The following PCDHA5 variants were observed in gnomAD, a reference collection of about 807,000 sequenced individuals.
PCDHA5 encodes protocadherin alpha 5.
Under a neutral mutation model 61.6 loss-of-function variants are expected in PCDHA5, and 43 were observed. That is an observed-to-expected ratio of 0.70 (90% CI 0.55 to 0.90). The LOEUF is 0.90. Among genes scored for constraint, PCDHA5 ranks in the 40% least tolerant of loss-of-function variants. The pLI is 0.00. For missense variants in PCDHA5, 1,298 were observed against 1,222.7 expected, an observed-to-expected ratio of 1.06 and a Z score of -0.92; for synonymous variants, 627 against 543.9, an observed-to-expected ratio of 1.15 and a Z score of -2.13.
chr5:140,875,932 C>T, intron 1 of PCDHA5: 3 of 1,614,154 alleles, frequency 1.9e-6, no homozygotes, highest in South Asian at 1.1e-5. Flanking sequence ...TCATTTTCCT[C>T]TAGAGGGCGC....
chr5:140,853,934 C>T (rs2042914376), intron 1 of PCDHA5: 1 of 864,500 alleles, frequency 1.2e-6, no homozygotes, highest in South Asian at 5.2e-5. Context: ...TTTGGGAGGC[C>T]AAGGTGGGAG....
chr5:140,828,876 T>C (rs1554131616), intron 1 of PCDHA5: 4 of 1,614,116 alleles, frequency 2.5e-6, no homozygotes, highest in African/African-American at 2.7e-5. Flanking sequence ...ACAACAGTTA[T>C]CAGACTGAAT....
At chr5:140,932,549 C>T (rs1222820851) in intron 1 of PCDHA5, among the ~76,000 whole-genome samples, 1 of 151,864 alleles carries the variant, frequency 6.6e-6, no homozygotes, top group African/African-American at 2.4e-5. Context: ...ATTTAACATA[C>T]ATTCCACAAG....
chr5:140,850,940 A>G (rs2150503150), intron 1 of PCDHA5: 2 of 1,507,156 alleles, frequency 1.3e-6, no homozygotes, highest in East Asian at 2.3e-5. Context: ...TTCTTGAAAG[A>G]TATTATCGAT....
chr5:140,872,867 A>G (rs549673745), intron 1 of PCDHA5, among the ~76,000 whole-genome samples: 37 of 152,332 alleles, frequency 2.4e-4, no homozygotes, highest in African/African-American at 8.7e-4. Flanking sequence ...CCTACTGACA[A>G]TTATCAGTTT....
intron 1 of PCDHA5, chr5:140,835,483 C>G: frequency 3.1e-6 from 5 of 1,613,956 alleles, no homozygotes; most frequent in Non-Finnish European, 4.2e-6. Context: ...CAACCAGGTA[C>G]CGTCATCACA....
intron 1 of PCDHA5, among the ~76,000 whole-genome samples, chr5:140,918,211 C>T (rs1554198470): frequency 6.6e-6 from 1 of 152,046 alleles, no homozygotes; most frequent in African/African-American, 2.4e-5. Context: ...TGTTGGTGTA[C>T]AGAAATGCTG....
At chr5:140,922,166 G>A (rs1304025068) in intron 1 of PCDHA5, among the ~76,000 whole-genome samples, 1 of 143,464 alleles carries the variant, frequency 7.0e-6, no homozygotes, top group East Asian at 2.2e-4. Flanking sequence ...ACAACAAAAA[G>A]TACAGCAGAC....
At chr5:140,870,461 C>G in intron 1 of PCDHA5, 2 of 1,614,246 alleles carry the variant, frequency 1.2e-6, no homozygotes, top group Admixed American at 3.3e-5. Context: ...AATGCGCCTG[C>G]GTTCGCACAG....
In PCDHA5 at chr5:141,010,369, G is replaced by A. The variant is rs963959073; in HGVS notation, c.*432G>A. The A allele has an allele frequency of 1.8e-4, 270 of 1,474,338 alleles. No homozygotes were observed. The highest frequency in any genetic ancestry group is 7.1e-5 in the Non-Finnish European group (79 of 1,109,414). 91.3% of individuals were successfully genotyped at this position (1,474,338 alleles called of 1,614,324 possible). On this transcript the variant is annotated 3_prime_UTR_variant, in exon 4 of 4. Transcript: ENST00000529859. ...GTATGTGTGGCTACCGCGGGTATGCGAGTGCCAGATATTGGCTGAGACGAG... is the reference window on the plus strand; with the variant it reads ...GTATGTGTGGCTACCGCGGGTATGCAAGTGCCAGATATTGGCTGAGACGAG...
At chr5:140,886,436 T>A (rs1434592910) in intron 1 of PCDHA5, among the ~76,000 whole-genome samples, 2 of 152,158 alleles carry the variant, frequency 1.3e-5, no homozygotes, top group African/African-American at 4.8e-5. Context: ...TATTCATTTG[T>A]TTGTACTAAT....
In PCDHA5 at chr5:140,969,100, C is replaced by T. The variant is rs781998624; in HGVS notation, c.2353-9849C>T. ...ATGGCCTCAAAGTGCAGCCTCACTT[C>T]ATTGAAGTTCGAGGGAATGGCTCCC... On this transcript the variant is annotated intron_variant, in intron 1 of 3. Coordinates refer to ENST00000529859, the MANE Select transcript of PCDHA5 (RefSeq NM_018908.3). The T allele has an allele frequency of 8.7e-6, 14 of 1,614,054 alleles. No individual in the cohort carries two copies. The South Asian group carries it at 8.8e-5, about 10-fold the overall frequency.
At chr5:140,955,990 T>C (rs246015) in intron 1 of PCDHA5, among the ~76,000 whole-genome samples, 48,106 of 152,064 alleles carry the variant, frequency 0.32, 7,958 homozygotes, top group East Asian at 0.53. Context: ...TTTTTGCACA[T>C]TGATTTTGTA....
intron 3 of PCDHA5, among the ~76,000 whole-genome samples, chr5:141,006,751 G>A (rs1369409000): frequency 2.0e-5 from 3 of 152,166 alleles, no homozygotes; most frequent in Non-Finnish European, 4.4e-5. Flanking sequence ...ATTATAAATG[G>A]AGAATGAAGA....
chr5:140,858,249 A>G lies in PCDHA5; in HGVS notation c.2352+34122A>G, dbSNP rs782165070. Reference sequence around the variant, plus strand: ...ACCGAGGGCGCATGTGGGCCGGTGAAGCCCACGCTGGTGTGCTCTAGCGCG... The same window carrying G: ...ACCGAGGGCGCATGTGGGCCGGTGAGGCCCACGCTGGTGTGCTCTAGCGCG... On this transcript the variant is annotated intron_variant, in intron 1 of 3. Coordinates refer to ENST00000529859, the MANE Select transcript of PCDHA5 (RefSeq NM_018908.3). 53 of 1,596,100 alleles carry G rather than the reference A, an allele frequency of 3.3e-5. 6 individuals are homozygous for G. The highest frequency in any genetic ancestry group is 4.5e-5 in the Non-Finnish European group (52 of 1,166,170).
intron 3 of PCDHA5, among the ~76,000 whole-genome samples, chr5:140,994,104 T>C (rs1356172498): frequency 6.6e-6 from 1 of 152,210 alleles, no homozygotes; most frequent in Non-Finnish European, 1.5e-5. Context: ...ATGGAAATAT[T>C]ACATTGTCAT....
chr5:140,885,049 A>T (rs1001120267), intron 1 of PCDHA5, among the ~76,000 whole-genome samples: 56 of 152,352 alleles, frequency 3.7e-4, no homozygotes, highest in African/African-American at 1.2e-3. Context: ...TTTAATGTAT[A>T]CATATACCCA....
chr5:140,960,438 T>C (rs1403944664), intron 1 of PCDHA5, among the ~76,000 whole-genome samples: 4 of 152,180 alleles, frequency 2.6e-5, no homozygotes, highest in African/African-American at 9.7e-5. Context: ...ATACTCTAGA[T>C]ATATGTATGG....
chr5:140,824,284 T>C lies in PCDHA5; in HGVS notation c.2352+157T>C, dbSNP rs1581808951. ...TAATTCATGTATTATATGCTTTTTA[T>C]GAGGCTTTTCTGCTGGGGTAATAGA... On this transcript the variant is annotated intron_variant, in intron 1 of 3. Transcript: ENST00000529859. The C allele has an allele frequency of 6.5e-6, 7 of 1,072,766 alleles. No homozygotes were observed. The East Asian group carries it at 9.5e-5, about 15-fold the overall frequency. 66.5% of individuals were successfully genotyped at this position (1,072,766 alleles called of 1,614,324 possible). A position where few individuals can be genotyped will look rare whatever the true frequency, so the allele number is the denominator to read the frequency against.
Sources: allele counts gnomAD v4.1 joint callset (sites outside exome capture counted in the v4.1 genomes callset), GRCh38; gene constraint gnomAD v4.1.1; transcripts MANE v1.5; gene names NCBI Gene and HGNC (gene_info 2026-07-23, HGNC 2026-07-21).